PARP15: variants seen among roughly 807,000 people sequenced by gnomAD.
The protein encoded by PARP15 is poly(ADP-ribose) polymerase family member 15, also known as protein mono-ADP-ribosyltransferase PARP15.
Under a neutral mutation model 62.1 loss-of-function variants are expected in PARP15, and 50 were observed. The ratio of observed to expected loss-of-function variants is 0.81; its 90% CI spans 0.64 to 1.02. PARP15 has a LOEUF of 1.02. Ranked by LOEUF, PARP15 falls within the 50% of genes least tolerant of loss-of-function variation. The pLI is 0.00. For synonymous variants in PARP15, 309 were observed against 293.1 expected (o/e 1.05, Z -0.55); for missense variants, 820 against 826.5 (o/e 0.99, Z 0.10).
chr3:122,600,429 A>C (rs1328060469), intron 1 of PARP15, among the ~76,000 whole-genome samples: 6 of 152,156 alleles, frequency 3.9e-5, no homozygotes, highest in Non-Finnish European at 7.4e-5. Flanking sequence ...ATGTTTTACT[A>C]TAGCTGTACA....
intron 2 of PARP15, among the ~76,000 whole-genome samples, chr3:122,609,782 G>T (rs892265144): frequency 1.3e-5 from 2 of 152,014 alleles, no homozygotes; most frequent in Non-Finnish European, 2.9e-5. Flanking sequence ...GAATCAGAAG[G>T]TTTCTGGTGA....
intron 1 of PARP15, among the ~76,000 whole-genome samples, chr3:122,597,616 A>G (rs1488395430): frequency 6.6e-6 from 1 of 152,112 alleles, no homozygotes; most frequent in Non-Finnish European, 1.5e-5. Flanking sequence ...ATCCCAGACC[A>G]TACCTTATAT....
In PARP15 at chr3:122,632,095, C is replaced by T. The variant is rs1937088888; in HGVS notation, c.1448C>T (p.Pro483Leu). 5 of 1,613,922 alleles carry T rather than the reference C, an allele frequency of 3.1e-6. No individual in the cohort carries two copies. The African/African-American group carries it at 5.3e-5, about 17-fold the overall frequency. ...AATGCTGACTTTCCAGGTAATCTTCCTGAACACTGGACTGACATGAATCAT... is the reference window on the plus strand; with the variant it reads ...AATGCTGACTTTCCAGGTAATCTTCTTGAACACTGGACTGACATGAATCAT... ...STFSMTTCNL[P>L]EHWTDMNHQL... Residue 483 changes from proline to leucine, a missense_variant, in exon 10 of 12, where the codon CCT becomes CTT. Pro to Leu is a moderately conservative substitution (Grantham distance 98). Around this residue, in one of 3 missense-constraint regions of PARP15, gnomAD observed 731 missense variants for 727.7 expected, o/e 1.00. Transcript: ENST00000464300.
intron 9 of PARP15, among the ~76,000 whole-genome samples, chr3:122,631,862 T>G (rs973468631): frequency 2.0e-5 from 3 of 152,212 alleles, no homozygotes; most frequent in African/African-American, 7.2e-5. Flanking sequence ...TCTAAATATT[T>G]TATCTAGAGC....
At chr3:122,588,058 G>A (rs1480515885) in intron 1 of PARP15, among the ~76,000 whole-genome samples, 1 of 152,136 alleles carries the variant, frequency 6.6e-6, no homozygotes, top group Non-Finnish European at 1.5e-5. Context: ...TCTGTGGAAA[G>A]ATGCATTTTA....
intron 3 of PARP15, among the ~76,000 whole-genome samples, chr3:122,611,108 G>GTAATA (rs1322842867): frequency 6.6e-6 from 1 of 152,166 alleles, no homozygotes; most frequent in Non-Finnish European, 1.5e-5. Context: ...AAGTTGTAAT[G>GTAATA]TAATAATCTT....
intron 1 of PARP15, among the ~76,000 whole-genome samples, chr3:122,580,750 C>T (rs2107795502): frequency 6.6e-6 from 1 of 152,256 alleles, no homozygotes; most frequent in East Asian, 1.9e-4. Context: ...TTTATACATT[C>T]ACCAACTGAT....
At chr3:122,596,819 C>T (rs1261223118) in intron 1 of PARP15, among the ~76,000 whole-genome samples, 2 of 152,188 alleles carry the variant, frequency 1.3e-5, no homozygotes, top group South Asian at 2.1e-4. Flanking sequence ...AAAAAGTATC[C>T]CTGAAACTAT....
rs1406574654 is a variant in PARP15 at position 122,613,080 on chromosome 3, G to C, written c.583G>C (p.Glu195Gln). Residue 195 changes from glutamate to glutamine, a missense_variant, in exon 4 of 12, where the codon GAA becomes CAA. Physicochemically the swap from Glu to Gln is conservative, Grantham distance 29. This residue lies in a region of PARP15 where 731 missense variants were observed against 727.7 expected (regional missense o/e 1.00). Transcript: ENST00000464300. The stretch of plus-strand genomic sequence containing the variant: ...AATCAAGAAATGTTTGACAACTGTA[G>C]AAGTGCTATCTTTCTCATCAATCAC... Reference protein sequence around the residue: ...NIIKKCLTTVEVLSFSSITFP... With the variant: ...NIIKKCLTTVQVLSFSSITFP... The C allele has an allele frequency of 1.3e-6, 2 of 1,551,900 alleles. No individual in the cohort carries two copies. Among genetic ancestry groups the C allele is most frequent in the Non-Finnish European group, 1.7e-6 (2 of 1,147,004 alleles).
chr3:122,622,087 C>T (rs1936390871), intron 8 of PARP15, among the ~76,000 whole-genome samples: 1 of 152,266 alleles, frequency 6.6e-6, no homozygotes, highest in East Asian at 1.9e-4. Context: ...GCATGGGCCA[C>T]TGTGCCCACC....
rs576396210 is a variant in PARP15 at position 122,619,766 on chromosome 3, A to C, written c.1001-15A>C. On this transcript the variant is annotated splice_polypyrimidine_tract_variant and intron_variant, in intron 6 of 11. Transcript: ENST00000464300. ...TTCTAACTGATGCCTTTTACCATTA[A>C]CATGTCTTATTTAGGTGTGTCAAGA... is the stretch of plus-strand genomic sequence containing the variant. 6.2e-7 allele frequency: 1 copy of C among 1,600,474 alleles called. No homozygotes were observed. Among genetic ancestry groups the C allele is most frequent in the South Asian group, 1.1e-5 (1 of 90,814 alleles).
chr3:122,615,875 T>C lies in PARP15; in HGVS notation c.850+18T>C, dbSNP rs1372964844. ...TACCCAAGGTCTGGTAAAGTCGTTC[T>C]GCTAAGGAAATATTTCCTTTTGCTG... On this transcript the variant is annotated intron_variant, in intron 5 of 11. Coordinates refer to ENST00000464300, the MANE Select transcript of PARP15 (RefSeq NM_001113523.3). The C allele has an allele frequency of 6.3e-7, 1 of 1,599,184 alleles. No individual in the cohort carries two copies. Among genetic ancestry groups the C allele is most frequent in the Admixed American group, 1.7e-5 (1 of 59,374 alleles).
chr3:122,621,689 A>T, intron 8 of PARP15, 78 bp downstream of exon 8: 1 of 1,281,056 alleles, frequency 7.8e-7, no homozygotes, highest in South Asian at 2.0e-5. Flanking sequence ...TAAGCAGATC[A>T]GTGCTGAATC....
Position 122,610,703 on chromosome 3 carries a change from G to A in PARP15, c.516G>A (p.Trp172Ter). The A allele has an allele frequency of 1.3e-6, 2 of 1,534,290 alleles. No homozygotes were observed. The highest frequency in any genetic ancestry group is 1.8e-6 in the Non-Finnish European group (2 of 1,138,828). ...KAVLHAVAPY[W>*]NNGAETSWQI... is the part of the protein sequence containing the mutation. ...TGCTCCATGCTGTGGCTCCATACTG[G>A]AATAATGGAGCAGAGACTTCTTGGC... The change falls in exon 3 of 12, where the codon TGG becomes TGA. Residue 172 changes from tryptophan (W) to a stop codon, truncating the protein, a stop_gained. Coordinates refer to ENST00000464300, the MANE Select transcript of PARP15 (RefSeq NM_001113523.3). LOFTEE classifies it high-confidence loss of function.
intron 6 of PARP15, among the ~76,000 whole-genome samples, chr3:122,618,875 T>C (rs906619259): frequency 1.3e-5 from 2 of 152,196 alleles, no homozygotes; most frequent in African/African-American, 2.4e-5. Context: ...CCTTCTTGCA[T>C]AGAGCTTCTA....
Position 122,619,337 on chromosome 3 carries a change from G to T in PARP15, c.1001-444G>T, listed in dbSNP as rs375194413. Among the ~76,000 whole-genome samples the T allele has an allele frequency of 1.3e-5, 2 of 152,322 alleles. 1 individual carries two copies. The highest frequency in any genetic ancestry group is 4.1e-4 in the South Asian group (2 of 4,828). On this transcript the variant is annotated intron_variant, in intron 6 of 11. Transcript: ENST00000464300. Reference sequence around the variant, plus strand: ...GGTGAAGCTACGACTTTGACTGGAAGATTCACTGGAGTGAAACCAGCTGTT... The same window carrying T: ...GGTGAAGCTACGACTTTGACTGGAATATTCACTGGAGTGAAACCAGCTGTT...
chr3:122,606,568 C>A (rs899845866), intron 2 of PARP15, among the ~76,000 whole-genome samples: 5 of 152,152 alleles, frequency 3.3e-5, no homozygotes, highest in Non-Finnish European at 5.9e-5. Flanking sequence ...CTTGGAATCA[C>A]CAGTTAACAG....
chr3:122,592,019 G>A (rs989758363), intron 1 of PARP15, among the ~76,000 whole-genome samples: 3 of 152,184 alleles, frequency 2.0e-5, no homozygotes, highest in South Asian at 2.1e-4. Context: ...AACCATTGTG[G>A]AAGATGGTGT....
At position 122,627,177 on chromosome 3, in the gene PARP15, A is replaced by G; in HGVS notation, c.1438+144A>G. ...ACTTCTTATGATCCATGGGAAAAGTATAAAAATTAGAGAATGCAACCTCCT... is the reference window on the plus strand; with the variant it reads ...ACTTCTTATGATCCATGGGAAAAGTGTAAAAATTAGAGAATGCAACCTCCT... On this transcript the variant is annotated intron_variant, in intron 9 of 11. Transcript: ENST00000464300. The G allele has an allele frequency of 4.0e-6, 3 of 749,112 alleles. No homozygotes were observed. The South Asian group carries it at 6.2e-5, about 16-fold the overall frequency. 46.4% of individuals were successfully genotyped at this position (749,112 alleles called of 1,614,324 possible).
Sources: allele counts gnomAD v4.1 joint callset (sites outside exome capture counted in the v4.1 genomes callset), GRCh38; gene constraint gnomAD v4.1.1; regional missense constraint gnomAD v4.1.1; transcripts MANE v1.5; gene names NCBI Gene and HGNC (gene_info 2026-07-23, HGNC 2026-07-21).